Variants in STIM1 observed in about 807,000 individuals in gnomAD.
STIM1 encodes the protein stromal interaction molecule 1.
A neutral mutation model predicts 74.7 loss-of-function variants in STIM1; 25 were observed. That is an observed-to-expected ratio of 0.33 (90% CI 0.24 to 0.47). The LOEUF is 0.47. STIM1 is among the 20% of genes least tolerant of loss of function. The pLI is 1.00. For synonymous variants in STIM1, 328 were observed against 348.8 expected, an observed-to-expected ratio of 0.94 and a Z score of 0.66; for missense variants, 728 against 920.8, an observed-to-expected ratio of 0.79 and a Z score of 2.71.
intron 2 of STIM1, among the ~76,000 whole-genome samples, chr11:4,016,456 T>A (rs2093897807): frequency 6.6e-6 from 1 of 152,180 alleles, no homozygotes; most frequent in Non-Finnish European, 1.5e-5. Context: ...GTATGAGGTG[T>A]CTGTCAGTCC....
chr11:3,930,547 G>A (rs1199009906), intron 1 of STIM1, among the ~76,000 whole-genome samples: 2 of 152,218 alleles, frequency 1.3e-5, no homozygotes, highest in African/African-American at 4.8e-5. Flanking sequence ...AGGGAGCTCA[G>A]TGTAGCAGGA....
chr11:3,927,001 T>C (rs2092796938), intron 1 of STIM1, among the ~76,000 whole-genome samples: 1 of 152,192 alleles, frequency 6.6e-6, no homozygotes, highest in Non-Finnish European at 1.5e-5. Flanking sequence ...TCCTCTTATG[T>C]TAAATAGGGA....
Position 4,092,038 on chromosome 11 carries a change from C to T in STIM1, c.*240C>T, listed in dbSNP as rs2094528224. Reference sequence around the variant, plus strand: ...CCAACCATGGGCTGCTGCTGTCACTCCCTCTCCACTTCAGTGCATGTCTTA... The same window carrying T: ...CCAACCATGGGCTGCTGCTGTCACTTCCTCTCCACTTCAGTGCATGTCTTA... On this transcript the variant is annotated 3_prime_UTR_variant, in exon 13 of 13. Coordinates refer to ENST00000526596, the MANE Select transcript of STIM1 (RefSeq NM_001382567.1). The T allele has an allele frequency of 5.1e-6, 3 of 592,180 alleles. No individual in the cohort carries two copies. Among genetic ancestry groups the T allele is most frequent in the Non-Finnish European group, 9.0e-6 (3 of 332,502 alleles). 36.7% of individuals were successfully genotyped at this position (592,180 alleles called of 1,614,324 possible).
In STIM1 at chr11:3,890,768, C is replaced by T. The variant is rs2091868220; in HGVS notation, c.139+34359C>T. 3.3e-5 allele frequency among the ~76,000 whole-genome samples: 5 copies of T among 152,250 alleles called. No homozygotes were observed. The South Asian group carries it at 1.0e-3, about 32-fold the overall frequency. Reference sequence around the variant, plus strand: ...TTTCTAGTATGGCTTATCTCATTATCAGCTAGGTCAACTAGAGGTAGTGCT... The same window carrying T: ...TTTCTAGTATGGCTTATCTCATTATTAGCTAGGTCAACTAGAGGTAGTGCT... On this transcript the variant is annotated intron_variant, in intron 1 of 12. Transcript: ENST00000526596.
At chr11:4,032,989 A>T (rs1277356542) in intron 3 of STIM1, among the ~76,000 whole-genome samples, 1 of 152,152 alleles carries the variant, frequency 6.6e-6, no homozygotes, top group Non-Finnish European at 1.5e-5. Context: ...TTATGGTTTT[A>T]GGTCTAACGT....
intron 1 of STIM1, among the ~76,000 whole-genome samples, chr11:3,917,682 C>T (rs1216360437): frequency 6.6e-6 from 1 of 152,122 alleles, no homozygotes; most frequent in Non-Finnish European, 1.5e-5. Flanking sequence ...CGATCACCTG[C>T]CTTGGCCTCT....
intron 1 of STIM1, among the ~76,000 whole-genome samples, chr11:3,891,647 A>C (rs1382660624): frequency 6.6e-6 from 1 of 152,228 alleles, no homozygotes; most frequent in East Asian, 1.9e-4. Context: ...GCCAGAAGGC[A>C]GGGGCTGTTA....
At chr11:3,873,456 T>G (rs1441944000) in intron 1 of STIM1, among the ~76,000 whole-genome samples, 3 of 151,810 alleles carry the variant, frequency 2.0e-5, no homozygotes, top group African/African-American at 2.4e-5. Context: ...TTTTTTTTTT[T>G]TGTGGAGATG....
chr11:4,072,608 A>C (rs1200915785), intron 6 of STIM1, among the ~76,000 whole-genome samples: 1 of 152,204 alleles, frequency 6.6e-6, no homozygotes, highest in Non-Finnish European at 1.5e-5. Context: ...TCCATCTCTA[A>C]CAGACCTTAT....
At chr11:3,862,053 A>T (rs1212686529) in intron 1 of STIM1, among the ~76,000 whole-genome samples, 1 of 152,178 alleles carries the variant, frequency 6.6e-6, no homozygotes, top group East Asian at 1.9e-4. Flanking sequence ...GGGAGAAAAA[A>T]AGAGACCAAA....
intron 3 of STIM1, among the ~76,000 whole-genome samples, chr11:4,043,396 T>G (rs2094163523): frequency 2.0e-5 from 3 of 152,206 alleles, no homozygotes; most frequent in Admixed American, 6.5e-5. Flanking sequence ...TCATTAGTAC[T>G]TTTTAATTTT....
intron 1 of STIM1, among the ~76,000 whole-genome samples, chr11:3,863,916 GT>G (rs2090742404): frequency 6.6e-6 from 1 of 151,994 alleles, no homozygotes; most frequent in Admixed American, 6.6e-5. Flanking sequence ...GAGTTAAACT[GT>G]ATCATAGGTA....
At chr11:3,948,151 G>A (rs1027797663) in intron 1 of STIM1, among the ~76,000 whole-genome samples, 59 of 152,262 alleles carry the variant, frequency 3.9e-4, no homozygotes, top group African/African-American at 9.9e-4. Flanking sequence ...CTTATAGGGC[G>A]CGGAGTAGTT....
At position 4,083,381 on chromosome 11, in the gene STIM1, G is replaced by T. The variant is rs1590697726; in HGVS notation, c.1357G>T (p.Ala453Ser). ...NNPGIHSLVA[A>S]LNIDPSWMGS... ...CCCTGGCATCCACTCACTGGTGGCT[G>T]CCCTCAACATAGACCCCAGCTGGAT... The change falls in exon 10 of 13, where the codon GCC becomes TCC. Residue 453 changes from alanine to serine, a missense_variant. By Grantham distance (99) the Ala-to-Ser change is moderately conservative (BLOSUM62 1). Around this residue, in one of 5 missense-constraint regions of STIM1, gnomAD observed 352 missense variants for 370.1 expected, o/e 0.95. Coordinates refer to ENST00000526596, the MANE Select transcript of STIM1 (RefSeq NM_001382567.1). The T allele has an allele frequency of 6.2e-7, 1 of 1,614,238 alleles. No individual in the cohort carries two copies. The highest frequency in any genetic ancestry group is 1.1e-5 in the South Asian group (1 of 91,084).
intron 1 of STIM1, among the ~76,000 whole-genome samples, chr11:3,958,565 A>T (rs189427262): frequency 2.6e-5 from 4 of 151,896 alleles, no homozygotes; most frequent in Non-Finnish European, 4.4e-5. Context: ...TAGGGGTATG[A>T]CTCCTCTTTC....
chr11:3,950,432 G>A (rs546415368), intron 1 of STIM1, among the ~76,000 whole-genome samples: 12 of 151,744 alleles, frequency 7.9e-5, no homozygotes, highest in Admixed American at 3.3e-4. Flanking sequence ...GTGCCTGGCT[G>A]GGCATTCCTT....
intron 3 of STIM1, among the ~76,000 whole-genome samples, chr11:4,048,920 G>A (rs1036358622): frequency 1.3e-5 from 2 of 152,114 alleles, no homozygotes; most frequent in African/African-American, 4.8e-5. Flanking sequence ...TTTTAGTAGA[G>A]ATGGGGTTTC....
At chr11:3,956,182 T>C (rs1201883757) in intron 1 of STIM1, among the ~76,000 whole-genome samples, 1 of 152,210 alleles carries the variant, frequency 6.6e-6, no homozygotes, top group East Asian at 1.9e-4. Flanking sequence ...CTAGGTTGGA[T>C]ATTCAGCTAG....
intron 1 of STIM1, among the ~76,000 whole-genome samples, chr11:3,937,809 C>T (rs1024422409): frequency 6.6e-6 from 1 of 152,216 alleles, no homozygotes; most frequent in Admixed American, 6.5e-5. Context: ...AGCTCCAGAA[C>T]CTTCTCTCAT....
Sources: allele counts gnomAD v4.1 joint callset (sites outside exome capture counted in the v4.1 genomes callset), GRCh38; gene constraint gnomAD v4.1.1; regional missense constraint gnomAD v4.1.1; transcripts MANE v1.5; gene names NCBI Gene and HGNC (gene_info 2026-07-23, HGNC 2026-07-21).